SDK2: variants seen among roughly 807,000 people sequenced by gnomAD.
The protein encoded by SDK2 is sidekick cell adhesion molecule 2, also known as protein sidekick-2.
Under a neutral mutation model 253.9 loss-of-function variants are expected in SDK2, and 105 were observed. That is an observed-to-expected ratio of 0.41 (90% CI 0.35 to 0.49). SDK2 has a LOEUF of 0.49. Among genes scored for constraint, SDK2 ranks in the 20% least tolerant of loss-of-function variants. The probability of loss-of-function intolerance (pLI) is 0.06; values close to 1 mark genes in which losing one functional copy is unlikely to be tolerated. For synonymous variants in SDK2, 1,249 were observed against 1,234.9 expected, an observed-to-expected ratio of 1.01 and a Z score of -0.24; for missense variants, 2,608 against 3,003.0, an observed-to-expected ratio of 0.87 and a Z score of 3.07.
chr17:73,367,826 A>G (rs2062698779), intron 37 of SDK2, among the ~76,000 whole-genome samples: 1 of 151,898 alleles, frequency 6.6e-6, no homozygotes, highest in South Asian at 2.1e-4. Flanking sequence ...TTCTCATTCA[A>G]ATCTCACCTC....
rs757993150 is a variant in SDK2 at position 73,481,298 on chromosome 17, T to A, written c.225-9080A>T. 5.9e-5 allele frequency among the ~76,000 whole-genome samples: 9 copies of A among 152,068 alleles called. No individual in the cohort carries two copies. The highest frequency in any genetic ancestry group is 1.2e-4 in the Non-Finnish European group (8 of 67,990). On this transcript the variant is annotated intron_variant, in intron 2 of 44. Coordinates refer to ENST00000392650, the MANE Select transcript of SDK2 (RefSeq NM_001144952.2). This position sits in a 1 kb window ranked among gnomAD's most constrained non-coding sequence, Gnocchi z 4.5. ...TGGGCACAGTGTGTTCCCCCCACCT[T>A]CTAGGGAACCTGAGGGTGGAGAGGG...
chr17:73,350,633 G>T lies in SDK2; in HGVS notation c.5899+17C>A, dbSNP rs1344752716. 3.1e-6 allele frequency: 5 copies of T among 1,605,970 alleles called. No homozygotes were observed. Among genetic ancestry groups the T allele is most frequent in the Non-Finnish European group, 4.3e-6 (5 of 1,176,348 alleles). On this transcript the variant is annotated intron_variant, in intron 42 of 44. Coordinates refer to ENST00000392650, the MANE Select transcript of SDK2 (RefSeq NM_001144952.2). The stretch of plus-strand genomic sequence containing the variant: ...AAACTCAAGTCCAGCCAGCATGGCT[G>T]GTGCCAGCTCACTCACCCGAGTCTG...
intron 1 of SDK2, among the ~76,000 whole-genome samples, chr17:73,544,016 A>T (rs1457482247): frequency 6.6e-6 from 1 of 152,198 alleles, no homozygotes; most frequent in Non-Finnish European, 1.5e-5. Flanking sequence ...CTTGAAGATG[A>T]GTGGAAATGA....
chr17:73,422,918 G>A (rs549482470), intron 14 of SDK2, among the ~76,000 whole-genome samples: 1 of 152,124 alleles, frequency 6.6e-6, no homozygotes, highest in Non-Finnish European at 1.5e-5. Context: ...CTACTTCGGA[G>A]GCTGAGACAG....
At chr17:73,562,692 T>G (rs764001496) in intron 1 of SDK2, among the ~76,000 whole-genome samples, 1 of 148,936 alleles carries the variant, frequency 6.7e-6, no homozygotes, top group East Asian at 2.0e-4. Flanking sequence ...TCAGAAAGAG[T>G]GGGGAAAAGG....
intron 3 of SDK2, among the ~76,000 whole-genome samples, chr17:73,466,900 G>A (rs940967727): frequency 6.6e-6 from 1 of 152,132 alleles, no homozygotes; most frequent in Non-Finnish European, 1.5e-5. Flanking sequence ...GGGAAGGGAG[G>A]TGCTCAAAGT....
intron 2 of SDK2, among the ~76,000 whole-genome samples, chr17:73,479,691 TTTTA>T (rs575167691): frequency 2.0e-5 from 3 of 152,346 alleles, no homozygotes; most frequent in African/African-American, 7.2e-5. Flanking sequence ...TAAGTCTTAT[TTTTA>T]TTTATTTATT....
At chr17:73,446,433 A>G (rs1462457224) in intron 5 of SDK2, among the ~76,000 whole-genome samples, 1 of 152,278 alleles carries the variant, frequency 6.6e-6, no homozygotes, top group East Asian at 1.9e-4. Context: ...TCCTCCCCGC[A>G]TTCAGATTTC....
chr17:73,406,617 A>C (rs1388030073), intron 18 of SDK2, among the ~76,000 whole-genome samples: 3 of 152,198 alleles, frequency 2.0e-5, no homozygotes, highest in Admixed American at 2.0e-4. Context: ...AATCAGACCT[A>C]TAGGGGAGTG....
chr17:73,440,715 A>G (rs2063408729), intron 6 of SDK2, 97 bp downstream of exon 6: 2 of 839,928 alleles, frequency 2.4e-6, no homozygotes, highest in Non-Finnish European at 4.0e-6. Flanking sequence ...CTGGATCCTC[A>G]GGTGATGTGG....
chr17:73,441,841 A>G (rs1242497357), intron 5 of SDK2, among the ~76,000 whole-genome samples: 1 of 151,966 alleles, frequency 6.6e-6, no homozygotes, highest in African/African-American at 2.4e-5. Flanking sequence ...TGTGTCCCCC[A>G]CCCATTCATA....
rs568188550 is a variant in SDK2 at position 73,388,486 on chromosome 17, G to T, written c.4193-449C>A. ...CCAGCCTCGCTGCCCCGCCCCTTCT[G>T]CAGGGCTTCTCAAACCTCAGCAGTA... On this transcript the variant is annotated intron_variant, in intron 29 of 44. Transcript: ENST00000392650. Among the ~76,000 whole-genome samples, 3 of 152,270 alleles carry T rather than the reference G, an allele frequency of 2.0e-5. No homozygotes were observed. The South Asian group carries it at 6.2e-4, about 32-fold the overall frequency.
chr17:73,463,869 A>G (rs868380964), intron 3 of SDK2, among the ~76,000 whole-genome samples: 3 of 152,172 alleles, frequency 2.0e-5, no homozygotes, highest in Admixed American at 2.0e-4. Flanking sequence ...TCTCTAAGGT[A>G]TGTGCCTAGA....
rs2064198356 is a variant in SDK2 at position 73,534,533 on chromosome 17, T to G, written c.65-26936A>C. Reference sequence around the variant, plus strand: ...GACAGGAGGGAGGAGGAAGGAGAAGTAAAGTCACAAAAGGGAGGGATGGGA... The same window carrying G: ...GACAGGAGGGAGGAGGAAGGAGAAGGAAAGTCACAAAAGGGAGGGATGGGA... On this transcript the variant is annotated intron_variant, in intron 1 of 44. Coordinates refer to ENST00000392650, the MANE Select transcript of SDK2 (RefSeq NM_001144952.2). The surrounding 1 kb of genome is among the most constrained non-coding windows in gnomAD (Gnocchi z 4.9). 6.6e-6 allele frequency among the ~76,000 whole-genome samples: 1 copy of G among 151,504 alleles called. No homozygotes were observed. Among genetic ancestry groups the G allele is most frequent in the Non-Finnish European group, 1.5e-5 (1 of 67,878 alleles).
intron 2 of SDK2, among the ~76,000 whole-genome samples, chr17:73,478,554 A>T (rs1363289312): frequency 6.6e-6 from 1 of 152,178 alleles, no homozygotes; most frequent in Admixed American, 6.5e-5. Flanking sequence ...GAAGATGAAG[A>T]GATGAGCTCA....
At chr17:73,432,359 C>T (rs1359423041) in intron 10 of SDK2, among the ~76,000 whole-genome samples, 2 of 152,080 alleles carry the variant, frequency 1.3e-5, no homozygotes, top group African/African-American at 4.8e-5. Context: ...ACCCCCCACC[C>T]CCGTAAGGAA....
At chr17:73,542,636 C>T (rs2044887672) in intron 1 of SDK2, among the ~76,000 whole-genome samples, 1 of 152,054 alleles carries the variant, frequency 6.6e-6, no homozygotes, top group Non-Finnish European at 1.5e-5. Context: ...TATGAGGCAG[C>T]AAGGGGAGAG....
rs555152413 is a variant in SDK2 at position 73,384,339 on chromosome 17, C to T, written c.4570-328G>A. On this transcript the variant is annotated intron_variant, in intron 32 of 44. Transcript: ENST00000392650. ...GGAGCACACAGCTGTTTTCCTAGAG[C>T]CGCTCCTTGTTCACCTCCTTTGTCT... Among the ~76,000 whole-genome samples, 6 of 152,262 alleles carry T rather than the reference C, an allele frequency of 3.9e-5. No homozygotes were observed. The Middle Eastern group carries it at 0.01, about 259-fold the overall frequency.
At chr17:73,348,864 C>G (rs1568360431) in intron 43 of SDK2, 139 bp from the exon 44 acceptor site, 1 of 683,742 alleles carries the variant, frequency 1.5e-6, no homozygotes, top group Non-Finnish European at 2.4e-6. Flanking sequence ...GGTCTGCCTT[C>G]CAGGGGCCCG....
Sources: gnomAD v4.1 joint callset for allele counts (sites outside exome capture counted in the v4.1 genomes callset) on GRCh38, gnomAD v4.1.1 for gene constraint, Gnocchi (gnomAD v3.1) non-coding constraint, MANE v1.5 for transcripts, NCBI Gene and HGNC (gene_info 2026-07-23, HGNC 2026-07-21) for gene names.